CCDC3: variants seen among roughly 807,000 people sequenced by gnomAD.
CCDC3 encodes the protein coiled-coil domain containing 3.
In CCDC3, 24 loss-of-function variants were observed where a neutral mutation model predicts 21.4. That is an observed-to-expected ratio of 1.12 (90% confidence interval 0.81 to 1.58). CCDC3 has a LOEUF of 1.58. CCDC3 is among the 40% of genes most tolerant of loss of function. CCDC3 has a pLI of 0.00. For missense variants in CCDC3, 425 were observed against 360.9 expected (o/e 1.18, Z -1.44); for synonymous variants, 186 against 166.0 (o/e 1.12, Z -0.93).
chr10:13,042,733 C>T (rs1194848354), intron 5 of CCDC3, among the ~76,000 whole-genome samples: 1 of 151,374 alleles, frequency 6.6e-6, no homozygotes, highest in Non-Finnish European at 1.5e-5. Flanking sequence ...ATGGTGAAAC[C>T]CTGTCTCTAC....
chr10:13,054,412 T>C (rs1200026241), intron 4 of CCDC3, among the ~76,000 whole-genome samples: 2 of 152,114 alleles, frequency 1.3e-5, no homozygotes, highest in Non-Finnish European at 2.9e-5. Flanking sequence ...TTCCATTTTT[T>C]TTGTCCCCCA....
upstream of CCDC3, among the ~76,000 whole-genome samples, chr10:13,004,735 G>A (rs1474519303): frequency 6.6e-6 from 1 of 151,920 alleles, no homozygotes. Flanking sequence ...CGTGGTAAGA[G>A]GAAGTCCACA....
chr10:13,022,870 T>A (rs899357022), intron 5 of CCDC3, among the ~76,000 whole-genome samples: 1 of 152,106 alleles, frequency 6.6e-6, no homozygotes, highest in African/African-American at 2.4e-5. Context: ...TTTTACAAAG[T>A]TGATGAAAGT....
chr10:12,918,351 T>C (rs1168027173), intron 2 of CCDC3, among the ~76,000 whole-genome samples: 3 of 152,246 alleles, frequency 2.0e-5, no homozygotes, highest in Non-Finnish European at 4.4e-5. Context: ...TATGAAACCT[T>C]TGCAGTTCCA....
At chr10:13,080,091 C>T (rs947827139) in intron 3 of CCDC3, among the ~76,000 whole-genome samples, 6 of 152,122 alleles carry the variant, frequency 3.9e-5, no homozygotes, top group African/African-American at 9.7e-5. Flanking sequence ...TGGCATCTGC[C>T]GAGCCTCTGG....
chr10:13,023,554 T>C (rs1410716946), intron 5 of CCDC3, among the ~76,000 whole-genome samples: 3 of 152,148 alleles, frequency 2.0e-5, no homozygotes, highest in Non-Finnish European at 4.4e-5. Flanking sequence ...CACACCACTC[T>C]TGCTAACGTC....
At chr10:13,076,627 CA>C (rs1836968082) in intron 3 of CCDC3, among the ~76,000 whole-genome samples, 1 of 152,234 alleles carries the variant, frequency 6.6e-6, no homozygotes, top group Non-Finnish European at 1.5e-5. Context: ...AACATGCTCA[CA>C]GGCACATAGT....
chr10:12,934,596 T>G (rs1438448581), intron 2 of CCDC3, among the ~76,000 whole-genome samples: 1 of 152,236 alleles, frequency 6.6e-6, no homozygotes, highest in Non-Finnish European at 1.5e-5. Flanking sequence ...CTTGCAGTTC[T>G]ATCAGTTTTT....
intron 2 of CCDC3, among the ~76,000 whole-genome samples, chr10:12,944,605 TC>T (rs55719255): frequency 0.35 from 53,750 of 152,046 alleles, 9,810 homozygotes; most frequent in Admixed American, 0.45. Context: ...TCTCAAGACT[TC>T]CTGGGGCCAT....
At chr10:12,951,194 G>A (rs1835002703) in intron 2 of CCDC3, among the ~76,000 whole-genome samples, 2 of 152,128 alleles carry the variant, frequency 1.3e-5, no homozygotes, top group Non-Finnish European at 2.9e-5. Flanking sequence ...AACATAGTGA[G>A]ACTCTCATCT....
Position 13,093,185 on chromosome 10 carries a change from G to A in CCDC3, c.-503+5340C>T, listed in dbSNP as rs377736699. On this transcript the variant is annotated intron_variant, in intron 3 of 6. Transcript: ENST00000378839. ...TTTATAAAGAAAAAGAGGTTTAATG[G>A]ACTCACAGTTCCACGTGGCTGGGGA... Among the ~76,000 whole-genome samples the A allele has an allele frequency of 2.5e-4, 38 of 152,208 alleles. 1 individual carries two copies. In the South Asian group the frequency reaches 7.5e-3, roughly 30 times the overall value.
chr10:13,020,755 C>A (rs1836134888), intron 5 of CCDC3, among the ~76,000 whole-genome samples: 1 of 152,056 alleles, frequency 6.6e-6, no homozygotes, highest in South Asian at 2.1e-4. Flanking sequence ...ATAAAATACA[C>A]AGTGATAACG....
At chr10:13,068,403 A>C (rs1836846713) in intron 4 of CCDC3, among the ~76,000 whole-genome samples, 1 of 152,164 alleles carries the variant, frequency 6.6e-6, no homozygotes, top group South Asian at 2.1e-4. Flanking sequence ...TAAGCACTTG[A>C]ATCAAATATT....
At chr10:13,091,675 C>T (rs1239282575) in intron 3 of CCDC3, among the ~76,000 whole-genome samples, 1 of 152,146 alleles carries the variant, frequency 6.6e-6, no homozygotes, top group Non-Finnish European at 1.5e-5. Context: ...TCTCATCATC[C>T]TAAAGTTCTC....
intron 2 of CCDC3, among the ~76,000 whole-genome samples, chr10:12,914,534 C>T (rs938679101): frequency 2.0e-5 from 3 of 152,100 alleles, no homozygotes; most frequent in Non-Finnish European, 4.4e-5. Flanking sequence ...CAACCTCCGC[C>T]TCCTGGGTCA....
chr10:12,961,875 T>C (rs1318874711), intron 2 of CCDC3, among the ~76,000 whole-genome samples: 1 of 152,018 alleles, frequency 6.6e-6, no homozygotes, highest in Non-Finnish European at 1.5e-5. Context: ...TATGGAGAAA[T>C]ACCCCCACTG....
At chr10:13,021,704 C>A (rs1386111027) in intron 5 of CCDC3, among the ~76,000 whole-genome samples, 2 of 152,126 alleles carry the variant, frequency 1.3e-5, no homozygotes, top group African/African-American at 4.8e-5. Flanking sequence ...GGATATTGTA[C>A]AGGGATGGGA....
At chr10:12,916,340 G>A (rs1387079483) in intron 2 of CCDC3, among the ~76,000 whole-genome samples, 5 of 151,492 alleles carry the variant, frequency 3.3e-5, no homozygotes, top group African/African-American at 1.2e-4. Context: ...GCTGAGGCAG[G>A]AGAATCTCTT....
intron 4 of CCDC3, among the ~76,000 whole-genome samples, chr10:13,054,300 C>T (rs951821689): frequency 1.2e-4 from 18 of 152,076 alleles, no homozygotes; most frequent in African/African-American, 3.6e-4. Context: ...CTTGAGCTGC[C>T]TCTGCCTGAA....
Sources: allele counts gnomAD v4.1 joint callset (sites outside exome capture counted in the v4.1 genomes callset), GRCh38; gene constraint gnomAD v4.1.1; transcripts MANE v1.5; gene names NCBI Gene and HGNC (gene_info 2026-07-23, HGNC 2026-07-21).